Variants in TRIM44 observed in about 807,000 individuals in gnomAD.
TRIM44 encodes the protein tripartite motif containing 44.
A neutral mutation model predicts 37.4 loss-of-function variants in TRIM44; 13 were observed. That is an observed-to-expected ratio of 0.35 (90% CI 0.23 to 0.55). TRIM44 has a LOEUF of 0.55. TRIM44 is among the 20% of genes least tolerant of loss of function. The probability of loss-of-function intolerance (pLI) is 0.89; values close to 1 mark genes in which losing one functional copy is unlikely to be tolerated. For missense variants in TRIM44, 426 were observed against 437.2 expected, an observed-to-expected ratio of 0.97 and a Z score of 0.23; for synonymous variants, 175 against 157.2, an observed-to-expected ratio of 1.11 and a Z score of -0.85.
chr11:35,809,591 G>A lies in TRIM44; in HGVS notation c.*3206G>A, dbSNP rs1220175863. ...ATCTTCCATAAATAAGGTGTTTCTT[G>A]GCCTTCAAAGATATAGAACTTTGCA... On this transcript the variant is annotated 3_prime_UTR_variant, in exon 5 of 5. Transcript: ENST00000299413. 3 of 152,042 alleles carry A rather than the reference G, an allele frequency of 2.0e-5. No individual in the cohort carries two copies. The highest frequency in any genetic ancestry group is 4.4e-5 in the Non-Finnish European group (3 of 67,994). 9.4% of individuals were successfully genotyped at this position (152,042 alleles called of 1,614,324 possible). A position where few individuals can be genotyped will look rare whatever the true frequency, so the allele number is the denominator to read the frequency against.
intron 1 of TRIM44, among the ~76,000 whole-genome samples, chr11:35,675,193 A>C (rs148232800): frequency 1.3e-5 from 2 of 152,330 alleles, no homozygotes; most frequent in East Asian, 3.9e-4. Context: ...ATGTGATAGG[A>C]AGTGTAATAA....
At chr11:35,739,213 T>G (rs1319212355) in intron 4 of TRIM44, among the ~76,000 whole-genome samples, 1 of 152,222 alleles carries the variant, frequency 6.6e-6, no homozygotes, top group Non-Finnish European at 1.5e-5. Flanking sequence ...GTGCTTTATA[T>G]ATATTCTAAT....
intron 4 of TRIM44, among the ~76,000 whole-genome samples, chr11:35,741,929 C>T (rs572144862): frequency 1.3e-5 from 2 of 152,200 alleles, no homozygotes; most frequent in South Asian, 4.2e-4. Context: ...TTTTATCTAT[C>T]TATCTATTTA....
rs1312620795 is a variant in TRIM44 at position 35,663,880 on chromosome 11, T to TA, written c.669+102dup. ...ACCACATTCGCTTTCACTGTGTCCC[T>TA]AAGAAGCTAGTCTTTCCAACTTTTT... On this transcript the variant is annotated intron_variant, in intron 1 of 4. Transcript: ENST00000299413. The TA allele has an allele frequency of 4.3e-6, 6 of 1,400,734 alleles. No individual in the cohort carries two copies. The East Asian group carries it at 1.1e-4, about 27-fold the overall frequency. The allele number at this position is 1,400,734 out of a possible 1,614,324, so 86.8% of individuals were successfully genotyped here.
Position 35,808,253 on chromosome 11 carries a change from G to T in TRIM44, c.*1868G>T, listed in dbSNP as rs953952507. The T allele has an allele frequency of 1.5e-5, 2 of 129,448 alleles. No homozygotes were observed. Among genetic ancestry groups the T allele is most frequent in the South Asian group, 2.6e-4 (1 of 3,798 alleles). The allele number at this position is 129,448 out of a possible 1,614,324, so 8.0% of individuals were successfully genotyped here. ...ATTTTTCTCTCAAACTGATGGCCAA[G>T]AAATGGCTAGGACAATTTTGGTGCT... On this transcript the variant is annotated 3_prime_UTR_variant, in exon 5 of 5. Coordinates refer to ENST00000299413, the MANE Select transcript of TRIM44 (RefSeq NM_017583.6).
At position 35,809,207 on chromosome 11, in the gene TRIM44, G is replaced by GTC. The variant is rs1480635274; in HGVS notation, c.*2826_*2827dup. On this transcript the variant is annotated 3_prime_UTR_variant, in exon 5 of 5. Coordinates refer to ENST00000299413, the MANE Select transcript of TRIM44 (RefSeq NM_017583.6). The stretch of plus-strand genomic sequence containing the variant: ...ACAACTATGAGCCAGGCCCTGAGCT[G>GTC]TCTCTTAGATAATAAAACAGATGGG... 1.3e-5 allele frequency: 2 copies of GTC among 152,166 alleles called. No homozygotes were observed. Among genetic ancestry groups the GTC allele is most frequent in the Admixed American group, 1.3e-4 (2 of 15,272 alleles). 9.4% of individuals were successfully genotyped at this position (152,166 alleles called of 1,614,324 possible).
rs143424977 is a variant in TRIM44, at chr11:35,700,332, G to T, written c.747+14996G>T. On this transcript the variant is annotated intron_variant, in intron 2 of 4. Transcript: ENST00000299413. ...TTTTTTACAAGATTAATTTTTACAAGCCTTCCACAACTTGTTCAAACCTTT... is the reference window on the plus strand; with the variant it reads ...TTTTTTACAAGATTAATTTTTACAATCCTTCCACAACTTGTTCAAACCTTT... Among the ~76,000 whole-genome samples, 282 of 152,180 alleles carry T rather than the reference G, an allele frequency of 1.9e-3. 2 individuals carry two copies. The highest frequency in any genetic ancestry group is 6.5e-3 in the African/African-American group (271 of 41,530).
chr11:35,675,276 T>C, intron 1 of TRIM44, among the ~76,000 whole-genome samples: 1 of 152,160 alleles, frequency 6.6e-6, no homozygotes, highest in Non-Finnish European at 1.5e-5. Context: ...AGTGTTTACA[T>C]TGGGATTAAT....
intron 3 of TRIM44, among the ~76,000 whole-genome samples, chr11:35,733,458 T>C (rs1463708380): frequency 6.6e-6 from 1 of 152,196 alleles, no homozygotes. Context: ...TAAATTTAAA[T>C]TATATAACTT....
chr11:35,800,509 G>C (rs1853352010), intron 4 of TRIM44, among the ~76,000 whole-genome samples: 1 of 152,158 alleles, frequency 6.6e-6, no homozygotes, highest in African/African-American at 2.4e-5. Context: ...GCTAGACACA[G>C]AGCACTGATT....
chr11:35,725,863 C>T, intron 2 of TRIM44, 61 bp from the exon 3 acceptor site: 2 of 1,583,756 alleles, frequency 1.3e-6, no homozygotes, highest in Non-Finnish European at 1.7e-6. Flanking sequence ...ATAGTAATAA[C>T]TCTGCCCTTT....
At chr11:35,712,061 T>A (rs1851981338) in intron 2 of TRIM44, among the ~76,000 whole-genome samples, 1 of 152,160 alleles carries the variant, frequency 6.6e-6, no homozygotes, top group Non-Finnish European at 1.5e-5. Context: ...ACTTTTGGGA[T>A]CCCTTGGTGT....
In TRIM44 at chr11:35,814,742, A is replaced by G. The variant is rs1176708469; in HGVS notation, c.*8357A>G. On this transcript the variant is annotated 3_prime_UTR_variant, in exon 5 of 5. Coordinates refer to ENST00000299413, the MANE Select transcript of TRIM44 (RefSeq NM_017583.6). ...GATGAGTTTTGTCACTTGCTATAAC[A>G]TTCTCTGTCCGTCTTTTTTCTTTTA... The G allele has an allele frequency of 2.0e-5, 3 of 152,232 alleles. No homozygotes were observed. In the East Asian group the frequency reaches 5.8e-4, roughly 29 times the overall value. 9.4% of individuals were successfully genotyped at this position (152,232 alleles called of 1,614,324 possible).
intron 2 of TRIM44, among the ~76,000 whole-genome samples, chr11:35,714,199 A>C (rs1397672791): frequency 6.6e-6 from 1 of 152,180 alleles, no homozygotes; most frequent in Non-Finnish European, 1.5e-5. Flanking sequence ...TATGGGAGGC[A>C]CACAATAAAA....
At chr11:35,790,580 A>T (rs749982394) in intron 4 of TRIM44, among the ~76,000 whole-genome samples, 4 of 152,194 alleles carry the variant, frequency 2.6e-5, no homozygotes, top group Non-Finnish European at 5.9e-5. Flanking sequence ...GGGTCATCTA[A>T]TGGTGACCAG....
intron 4 of TRIM44, among the ~76,000 whole-genome samples, chr11:35,798,808 G>A (rs1354631662): frequency 6.6e-6 from 1 of 152,166 alleles, no homozygotes; most frequent in African/African-American, 2.4e-5. Flanking sequence ...CTGTGAAGGA[G>A]ACTGTCAAGT....
intron 4 of TRIM44, among the ~76,000 whole-genome samples, chr11:35,766,847 A>AAGGGGCAGTG (rs1234837699): frequency 6.6e-6 from 1 of 152,222 alleles, no homozygotes. Context: ...CAAGGGGCAC[A>AAGGGGCAGTG]TGATAAATGT....
At chr11:35,679,265 ATTC>A (rs1429245515) in intron 1 of TRIM44, among the ~76,000 whole-genome samples, 3 of 152,142 alleles carry the variant, frequency 2.0e-5, no homozygotes, top group East Asian at 3.9e-4. Flanking sequence ...TTGTCAAGGA[ATTC>A]TTCTTCCTAT....
At chr11:35,735,227 G>A (rs1476163216) in intron 3 of TRIM44, among the ~76,000 whole-genome samples, 199 bp from the exon 4 acceptor site, 6 of 152,112 alleles carry the variant, frequency 3.9e-5, no homozygotes, top group Admixed American at 1.3e-4. Flanking sequence ...AAATTATCAG[G>A]TCATCTCCAC....
Sources: gnomAD v4.1 joint callset for allele counts (sites outside exome capture counted in the v4.1 genomes callset) on GRCh38, gnomAD v4.1.1 for gene constraint, MANE v1.5 for transcripts, NCBI Gene and HGNC (gene_info 2026-07-23, HGNC 2026-07-21) for gene names.